Variants in USP6 observed in about 807,000 individuals in gnomAD.
USP6 encodes the protein ubiquitin carboxyl-terminal hydrolase 6.
USP6 carries 128 observed loss-of-function variants against 175.7 expected under a neutral mutation model. That is an observed-to-expected ratio of 0.73 (90% CI 0.63 to 0.84). USP6 has a LOEUF of 0.84. USP6 is among the 40% of genes least tolerant of loss of function. The pLI, the probability that USP6 is intolerant of heterozygous loss-of-function variation, is 0.00. For missense variants in USP6, 1,498 were observed against 1,760.3 expected (o/e 0.85, Z 2.67); for synonymous variants, 562 against 630.6 (o/e 0.89, Z 1.63).
At chr17:5,134,957 T>C (rs936278029) in intron 15 of USP6, 12 of 400,644 alleles carry the variant, frequency 3.0e-5, no homozygotes, top group African/African-American at 2.3e-4. Context: ...ATGGAGGAAC[T>C]GTGCACCCAA....
intron 22 of USP6, among the ~76,000 whole-genome samples, chr17:5,140,745 G>A (rs1257940150): frequency 1.3e-5 from 2 of 152,156 alleles, no homozygotes; most frequent in Admixed American, 1.3e-4. Flanking sequence ...TGCCTCTTCA[G>A]CTTCCTGCAG....
At position 5,139,645 on chromosome 17, in the gene USP6, C is replaced by T; in HGVS notation, c.1469C>T (p.Thr490Ile). ...ATATCCCAGGAGGACCAGCTGGCCACCTGCTGGCAGGCTGAACACTGCGGA... is the reference window on the plus strand; with the variant it reads ...ATATCCCAGGAGGACCAGCTGGCCATCTGCTGGCAGGCTGAACACTGCGGA... ...RAISQEDQLA[T>I]CWQAEHCGEV... Residue 490 changes from threonine to isoleucine, a missense_variant, in exon 22 of 38, where the codon ACC becomes ATC. By Grantham distance (89) the Thr-to-Ile change is moderately conservative. This residue lies in a region of USP6 where 1,217 missense variants were observed against 1,500.8 expected (regional missense o/e 0.81). Coordinates refer to ENST00000574788, the MANE Select transcript of USP6 (RefSeq NM_001304284.2). The T allele has an allele frequency of 6.2e-7, 1 of 1,611,914 alleles. No individual in the cohort carries two copies. Among genetic ancestry groups the T allele is most frequent in the Non-Finnish European group, 8.5e-7 (1 of 1,180,020 alleles).
rs878943200 is a variant in USP6 at position 5,132,779 on chromosome 17, C to T, written c.196-131C>T. 4 of 1,194,492 alleles carry T rather than the reference C, an allele frequency of 3.3e-6. No individual in the cohort carries two copies. The African/African-American group carries it at 4.5e-5, about 13-fold the overall frequency. 74.0% of individuals were successfully genotyped at this position (1,194,492 alleles called of 1,614,324 possible). A position where few individuals can be genotyped will look rare whatever the true frequency, so the allele number is the denominator to read the frequency against. On this transcript the variant is annotated intron_variant, in intron 12 of 37. Transcript: ENST00000574788. This position sits in a 1 kb window ranked among gnomAD's most constrained non-coding sequence, Gnocchi z 4.7. ...CTCATTTGCTCAAAGGCTCTCAGCCCTTAGGGTCTGCCCTTCCCTGGCTCC... is the reference window on the plus strand; with the variant it reads ...CTCATTTGCTCAAAGGCTCTCAGCCTTTAGGGTCTGCCCTTCCCTGGCTCC...
chr17:5,127,330 A>C (rs1316999158), intron 6 of USP6, among the ~76,000 whole-genome samples, 174 bp from the exon 7 acceptor site: 1 of 152,158 alleles, frequency 6.6e-6, no homozygotes, highest in East Asian at 1.9e-4. Flanking sequence ...ATCCTGCTGC[A>C]GGTCTGTGTG....
chr17:5,136,801 G>A, intron 18 of USP6, 67 bp downstream of exon 18: 6 of 1,585,744 alleles, frequency 3.8e-6, no homozygotes, highest in South Asian at 2.2e-5. Flanking sequence ...GGAGCAGGGG[G>A]ACTGGAGTCC....
At chr17:5,163,237 G>A (rs1193406575) in intron 33 of USP6, among the ~76,000 whole-genome samples, 12 of 152,180 alleles carry the variant, frequency 7.9e-5, no homozygotes, top group Admixed American at 7.2e-4. Context: ...CTATAACAGA[G>A]TACGTGAGGC....
At chr17:5,163,972 A>G (rs1461192374) in intron 33 of USP6, among the ~76,000 whole-genome samples, 2 of 152,242 alleles carry the variant, frequency 1.3e-5, no homozygotes, top group Non-Finnish European at 2.9e-5. Flanking sequence ...TTTTAATTCC[A>G]TACCTAAAAA....
rs773117659 is a variant in USP6, at chr17:5,139,446, A to G, written c.1270A>G (p.Thr424Ala). ...TCCTGGTGGGGCTGTCCGGGAAGAC[A>G]CGTACCCTGTGGGCACTCAGGGTGT... Reference protein sequence around the residue: ...PCPGGAVREDTYPVGTQGVPS... With the variant: ...PCPGGAVREDAYPVGTQGVPS... Residue 424 changes from threonine to alanine, a missense_variant, in exon 22 of 38, where the codon ACG becomes GCG. Coordinates refer to ENST00000574788, the MANE Select transcript of USP6 (RefSeq NM_001304284.2). 2 of 1,613,094 alleles carry G rather than the reference A, an allele frequency of 1.2e-6. No individual in the cohort carries two copies. The highest frequency in any genetic ancestry group is 8.5e-7 in the Non-Finnish European group (1 of 1,180,018).
chr17:5,141,624 T>G (rs1057283574), intron 23 of USP6, 125 bp downstream of exon 23: 1 of 821,636 alleles, frequency 1.2e-6, no homozygotes, highest in African/African-American at 1.8e-5. Context: ...CTTCTTTTTC[T>G]TTTTTCCTGA....
Position 5,132,889 on chromosome 17 carries a change from CCAA to C in USP6, c.196-18_196-16del, listed in dbSNP as rs762559051. On this transcript the variant is annotated intron_variant, in intron 12 of 37. Transcript: ENST00000574788. The surrounding 1 kb of genome is among the most constrained non-coding windows in gnomAD (Gnocchi z 4.7). ...GGGAAGCCTGGCAGCTCCACTAACTCCAACATGCCTCATTTGACAGAAAATTCG... is the reference window on the plus strand; with the variant it reads ...GGGAAGCCTGGCAGCTCCACTAACTCCATGCCTCATTTGACAGAAAATTCG... 3.1e-6 allele frequency: 5 copies of C among 1,614,072 alleles called. No homozygotes were observed. The South Asian group carries it at 5.5e-5, about 18-fold the overall frequency.
Position 5,168,132 on chromosome 17 carries a change from C to T in USP6, c.3228+9C>T, listed in dbSNP as rs992483195. ...GGCTTCCACCCTTCCTGGTATGTTA[C>T]GGTCCTGCCTCTGAGAGAGCAGGAA... is the stretch of plus-strand genomic sequence containing the variant. On this transcript the variant is annotated intron_variant, in intron 34 of 37. Transcript: ENST00000574788. The T allele has an allele frequency of 8.8e-6, 14 of 1,592,342 alleles. No individual in the cohort carries two copies. The highest frequency in any genetic ancestry group is 2.2e-5 in the East Asian group (1 of 44,452).
chr17:5,161,625 C>T lies in USP6; in HGVS notation c.2915+11C>T, dbSNP rs1598087666. 5.6e-6 allele frequency: 9 copies of T among 1,612,222 alleles called. No homozygotes were observed. The highest frequency in any genetic ancestry group is 6.8e-6 in the Non-Finnish European group (8 of 1,178,690). ...GTGCCCACAGTATAGGTAAAGTGACCTGCAAAAGAATTACTTTAGTAGAAT... is the reference window on the plus strand; with the variant it reads ...GTGCCCACAGTATAGGTAAAGTGACTTGCAAAAGAATTACTTTAGTAGAAT... On this transcript the variant is annotated intron_variant, in intron 32 of 37. Coordinates refer to ENST00000574788, the MANE Select transcript of USP6 (RefSeq NM_001304284.2).
chr17:5,143,355 T>C (rs908509752), intron 25 of USP6, among the ~76,000 whole-genome samples: 11 of 152,350 alleles, frequency 7.2e-5, no homozygotes, highest in African/African-American at 1.9e-4. Flanking sequence ...GGATGGTTGC[T>C]GTGTCTGCGT....
chr17:5,133,640 G>A (rs568632367), intron 14 of USP6, 90 bp downstream of exon 14: 9 of 1,009,358 alleles, frequency 8.9e-6, no homozygotes, highest in South Asian at 6.5e-5. Flanking sequence ...ACCCTGGGGT[G>A]GGGGGGTGGG....
intron 20 of USP6, 95 bp from the exon 21 acceptor site, chr17:5,138,026 C>T (rs1281579171): frequency 1.2e-5 from 19 of 1,595,690 alleles, no homozygotes; most frequent in East Asian, 6.7e-5. Flanking sequence ...CAAAAGGATT[C>T]GGCACCGCCC....
chr17:5,117,675 G>A (rs1047808892), intron 1 of USP6, among the ~76,000 whole-genome samples: 1 of 152,118 alleles, frequency 6.6e-6, no homozygotes. Flanking sequence ...TATCAGATTT[G>A]TTCTGAAGGA....
intron 26 of USP6, 140 bp downstream of exon 26, chr17:5,145,003 G>T: frequency 7.8e-7 from 1 of 1,284,358 alleles, no homozygotes; most frequent in Non-Finnish European, 1.0e-6. Flanking sequence ...CTATTTCTAT[G>T]CTTAATTGTT....
chr17:5,132,059 C>CCCGGTTAG lies in USP6; in HGVS notation c.156-335_156-334insGGTTAGCC, dbSNP rs1457138063. 6.6e-6 allele frequency among the ~76,000 whole-genome samples: 1 copy of CCCGGTTAG among 152,088 alleles called. No individual in the cohort carries two copies. The highest frequency in any genetic ancestry group is 1.5e-5 in the Non-Finnish European group (1 of 67,978). ...GGGCCCGGTCGCCCATGCTGGGTGG[C>CCCGGTTAG]CCCCATCCCATCTCAGGGCTAACCT... On this transcript the variant is annotated intron_variant, in intron 11 of 37. Coordinates refer to ENST00000574788, the MANE Select transcript of USP6 (RefSeq NM_001304284.2). This position sits in a 1 kb window ranked among gnomAD's most constrained non-coding sequence, Gnocchi z 4.7.
At chr17:5,152,715 G>A (rs1261461803) in intron 30 of USP6, among the ~76,000 whole-genome samples, 1 of 152,194 alleles carries the variant, frequency 6.6e-6, no homozygotes, top group Admixed American at 6.5e-5. Context: ...AAAAGAATTA[G>A]GGTAGGCACA....
Sources: gnomAD v4.1 joint callset for allele counts (sites outside exome capture counted in the v4.1 genomes callset) on GRCh38, gnomAD v4.1.1 for gene constraint, gnomAD v4.1.1 regional missense constraint, Gnocchi (gnomAD v3.1) non-coding constraint, MANE v1.5 for transcripts, NCBI Gene and HGNC (gene_info 2026-07-23, HGNC 2026-07-21) for gene names.